TNFSF4: variants seen among roughly 807,000 people sequenced by gnomAD.
The protein encoded by TNFSF4 is TNF superfamily member 4.
TNFSF4 carries 4 observed loss-of-function variants against 7.3 expected under a neutral mutation model. The observed-to-expected ratio is 0.55, with a 90% CI of 0.27 to 1.25. The LOEUF is 1.25. TNFSF4 is among the 50% of genes most tolerant of loss of function. The pLI, the probability that TNFSF4 is intolerant of heterozygous loss-of-function variation, is 0.12. For missense variants in TNFSF4, 181 were observed against 208.8 expected (o/e 0.87, Z 0.82); for synonymous variants, 76 against 83.7 (o/e 0.91, Z 0.50).
At chr1:173,175,972 C>T in the TNFSF4 span, among the ~76,000 whole-genome samples, 1 of 152,036 alleles carries the variant, frequency 6.6e-6, no homozygotes, top group Non-Finnish European at 1.5e-5. Context: ...TAATCTAAGA[C>T]CAGCTGGCTG....
intron 1 of TNFSF4, among the ~76,000 whole-genome samples, chr1:173,190,715 T>A (rs1469650357): frequency 6.6e-6 from 1 of 152,172 alleles, no homozygotes; most frequent in Non-Finnish European, 1.5e-5. Context: ...GGTAAATAAA[T>A]GTTTCCACTG....
At chr1:173,447,639 A>C in the TNFSF4 span, among the ~76,000 whole-genome samples, 1 of 152,204 alleles carries the variant, frequency 6.6e-6, no homozygotes. Flanking sequence ...TTAAGAAATC[A>C]ATTGATGGGT....
the TNFSF4 span, among the ~76,000 whole-genome samples, chr1:173,411,947 G>A: frequency 7.2e-5 from 11 of 151,794 alleles, no homozygotes; most frequent in South Asian, 2.1e-4. Context: ...GTGAAACCCC[G>A]TCTCTACTAA....
the TNFSF4 span, among the ~76,000 whole-genome samples, chr1:173,243,956 A>G: frequency 2.0e-5 from 3 of 152,220 alleles, no homozygotes; most frequent in Non-Finnish European, 4.4e-5. Context: ...CATTATTGCA[A>G]GGAGTTTTCA....
chr1:173,397,927 T>C, the TNFSF4 span, among the ~76,000 whole-genome samples: 4 of 152,172 alleles, frequency 2.6e-5, no homozygotes, highest in East Asian at 1.9e-4. Flanking sequence ...GGGAATGACA[T>C]AGATTATCAT....
At chr1:173,332,318 C>A in the TNFSF4 span, among the ~76,000 whole-genome samples, 2 of 152,270 alleles carry the variant, frequency 1.3e-5, no homozygotes, top group South Asian at 2.1e-4. Flanking sequence ...ACTAACAAAC[C>A]CTTGTCTGAC....
chr1:173,425,827 C>T, the TNFSF4 span, among the ~76,000 whole-genome samples: 2 of 152,220 alleles, frequency 1.3e-5, no homozygotes, highest in East Asian at 1.9e-4. Context: ...CTACAACCTG[C>T]ATTCATTCCT....
At chr1:173,362,222 GAA>G in the TNFSF4 span, among the ~76,000 whole-genome samples, 2 of 152,180 alleles carry the variant, frequency 1.3e-5, no homozygotes, top group African/African-American at 4.8e-5. Context: ...GGCTGTTAAG[GAA>G]AGTTTAAGTG....
chr1:173,198,535 C>T (rs374433405), intron 1 of TNFSF4, among the ~76,000 whole-genome samples: 10 of 152,164 alleles, frequency 6.6e-5, no homozygotes, highest in African/African-American at 1.7e-4. Context: ...ACTAGAATGG[C>T]GTGAACGCAG....
At chr1:173,189,791 G>A (rs984995885) in intron 1 of TNFSF4, among the ~76,000 whole-genome samples, 1 of 152,154 alleles carries the variant, frequency 6.6e-6, no homozygotes, top group East Asian at 1.9e-4. Flanking sequence ...AGTTGCAAAT[G>A]TTGTCCCTGG....
chr1:173,401,033 T>TAC, the TNFSF4 span, among the ~76,000 whole-genome samples: 4 of 152,056 alleles, frequency 2.6e-5, no homozygotes, highest in African/African-American at 7.2e-5. Flanking sequence ...TATATATATA[T>TAC]ACATATATAT....
chr1:173,362,646 A>C, the TNFSF4 span: 1 of 451,910 alleles, frequency 2.2e-6, no homozygotes, highest in African/African-American at 2.0e-5. Flanking sequence ...TCCTATGTCC[A>C]TTCATCCTGT....
chr1:173,341,781 C>T, the TNFSF4 span, among the ~76,000 whole-genome samples: 1 of 152,076 alleles, frequency 6.6e-6, no homozygotes, highest in Non-Finnish European at 1.5e-5. Flanking sequence ...TGTTGGTATG[C>T]GCTCTGATTT....
the TNFSF4 span, among the ~76,000 whole-genome samples, chr1:173,362,239 C>T: frequency 6.6e-6 from 1 of 152,050 alleles, no homozygotes; most frequent in Non-Finnish European, 1.5e-5. Flanking sequence ...TAAGTGTTTT[C>T]TTTTTTAAAA....
chr1:173,223,122 C>A, the TNFSF4 span, among the ~76,000 whole-genome samples: 1 of 152,152 alleles, frequency 6.6e-6, no homozygotes, highest in African/African-American at 2.4e-5. Context: ...AGTAACTGGG[C>A]AAATTATCTA....
the TNFSF4 span, among the ~76,000 whole-genome samples, chr1:173,317,142 C>T: frequency 1.3e-5 from 2 of 152,194 alleles, no homozygotes; most frequent in Non-Finnish European, 2.9e-5. Context: ...TTTGAGACCA[C>T]TGTGCTGGAG....
At chr1:173,245,489 T>G in the TNFSF4 span, among the ~76,000 whole-genome samples, 2 of 152,206 alleles carry the variant, frequency 1.3e-5, no homozygotes, top group Non-Finnish European at 2.9e-5. Flanking sequence ...ACTATACATA[T>G]TTATGGGGTA....
At chr1:173,243,874 C>T in the TNFSF4 span, among the ~76,000 whole-genome samples, 188 of 152,234 alleles carry the variant, frequency 1.2e-3, no homozygotes, top group African/African-American at 4.4e-3. Context: ...AGTTTTGTCC[C>T]CATCTACTTC....
At chr1:173,442,740 G>A in the TNFSF4 span, among the ~76,000 whole-genome samples, 3 of 151,422 alleles carry the variant, frequency 2.0e-5, no homozygotes, top group African/African-American at 4.9e-5. Flanking sequence ...TAGTACAGAC[G>A]GGGTTTCACC....
Sources: allele counts gnomAD v4.1 joint callset (sites outside exome capture counted in the v4.1 genomes callset), GRCh38; gene constraint gnomAD v4.1.1; transcripts MANE v1.5; gene names NCBI Gene and HGNC (gene_info 2026-07-23, HGNC 2026-07-21).